NUP153: variants seen among roughly 807,000 people sequenced by gnomAD.
NUP153 encodes the protein nuclear pore complex protein Nup153.
NUP153 carries 27 observed loss-of-function variants against 134.6 expected under a neutral mutation model. The ratio of observed to expected loss-of-function variants is 0.20; its 90% CI spans 0.15 to 0.28. NUP153 has a LOEUF of 0.28. Ranked by LOEUF, NUP153 falls within the 10% of genes least tolerant of loss-of-function variation. The probability of loss-of-function intolerance (pLI) is 1.00; values close to 1 mark genes in which losing one functional copy is unlikely to be tolerated. For synonymous variants in NUP153, 640 were observed against 623.5 expected (o/e 1.03, Z -0.40); for missense variants, 1,821 against 1,731.3 (o/e 1.05, Z -0.92).
rs938419114 is a variant in NUP153, at chr6:17,675,912, T to C, written c.335-142A>G. On this transcript the variant is annotated intron_variant, in intron 2 of 21. Transcript: ENST00000262077. The surrounding 1 kb of genome is among the most constrained non-coding windows in gnomAD (Gnocchi z 4.4). ...GGGGCATCCCATAATAAGCCCAATATAACATACTCCTAGGCAAAACAAAGT... is the reference window on the plus strand; with the variant it reads ...GGGGCATCCCATAATAAGCCCAATACAACATACTCCTAGGCAAAACAAAGT... 1.3e-6 allele frequency: 1 copy of C among 760,246 alleles called. No homozygotes were observed. Among genetic ancestry groups the C allele is most frequent in the South Asian group, 1.8e-5 (1 of 56,240 alleles). The allele number at this position is 760,246 out of a possible 1,614,324, so 47.1% of individuals were successfully genotyped here. A position where few individuals can be genotyped will look rare whatever the true frequency, so the allele number is the denominator to read the frequency against.
intron 12 of NUP153, 108 bp downstream of exon 12, chr6:17,649,052 GTTA>G (rs1469362007): frequency 3.0e-6 from 3 of 990,616 alleles, no homozygotes; most frequent in African/African-American, 3.4e-5. Flanking sequence ...TGTTTACTAT[GTTA>G]TTAATTTCCA....
At chr6:17,626,240 T>C in intron 18 of NUP153, 76 bp from the exon 19 acceptor site, 1 of 1,092,814 alleles carries the variant, frequency 9.2e-7, no homozygotes, top group East Asian at 2.4e-5. Flanking sequence ...TACCCTACAA[T>C]TGCTAGAATT....
At chr6:17,694,836 G>A (rs896930051) in intron 1 of NUP153, among the ~76,000 whole-genome samples, 12 of 151,954 alleles carry the variant, frequency 7.9e-5, no homozygotes, top group East Asian at 1.9e-4. Flanking sequence ...AAAAGTAGCC[G>A]GGCATGGTGG....
chr6:17,624,486 T>C, intron 20 of NUP153, 75 bp downstream of exon 20: 1 of 1,433,758 alleles, frequency 7.0e-7, no homozygotes, highest in Non-Finnish European at 9.6e-7. Context: ...ATATGAATGG[T>C]TTCCAAGCTC....
At chr6:17,688,007 T>C (rs1407757047) in intron 2 of NUP153, among the ~76,000 whole-genome samples, 2 of 151,798 alleles carry the variant, frequency 1.3e-5, no homozygotes, top group African/African-American at 4.8e-5. Context: ...TAGTCCCAGC[T>C]ACTTGGGAGG....
At chr6:17,705,180 G>C (rs1581795746) in intron 1 of NUP153, among the ~76,000 whole-genome samples, 2 of 152,236 alleles carry the variant, frequency 1.3e-5, no homozygotes, top group African/African-American at 2.4e-5. Context: ...TTTAACAGTA[G>C]GCAACAAGTT....
chr6:17,618,783 G>A (rs867660809), intron 20 of NUP153, among the ~76,000 whole-genome samples: 1 of 152,108 alleles, frequency 6.6e-6, no homozygotes, highest in Admixed American at 6.6e-5. Context: ...AGCCAGGATG[G>A]TCTCGATATC....
At chr6:17,703,059 G>T (rs149181085) in intron 1 of NUP153, among the ~76,000 whole-genome samples, 2,912 of 129,198 alleles carry the variant, frequency 0.023, 94 homozygotes, top group African/African-American at 0.076. Context: ...TTAGCCGGGC[G>T]TGGTGGCGCA....
intron 18 of NUP153, among the ~76,000 whole-genome samples, chr6:17,627,213 C>T (rs1340567528): frequency 6.6e-6 from 1 of 152,158 alleles, no homozygotes; most frequent in Non-Finnish European, 1.5e-5. Flanking sequence ...GAGTGTCTAC[C>T]ATAGCCTGGT....
At chr6:17,686,321 C>T (rs1768920778) in intron 2 of NUP153, among the ~76,000 whole-genome samples, 1 of 151,934 alleles carries the variant, frequency 6.6e-6, no homozygotes, top group African/African-American at 2.4e-5. Context: ...GGTAGAAAGC[C>T]ATGATATAGC....
At chr6:17,633,060 C>G (rs983377529) in intron 16 of NUP153, among the ~76,000 whole-genome samples, 8 of 152,036 alleles carry the variant, frequency 5.3e-5, no homozygotes, top group African/African-American at 1.7e-4. Flanking sequence ...TAAATGATTT[C>G]TTTTAACCTT....
At chr6:17,683,813 G>A (rs957233798) in intron 2 of NUP153, among the ~76,000 whole-genome samples, 6 of 152,024 alleles carry the variant, frequency 3.9e-5, no homozygotes, top group African/African-American at 9.7e-5. Context: ...TTCCAACGGC[G>A]GGCCATGTTT....
At chr6:17,674,820 T>C in intron 5 of NUP153, 85 bp downstream of exon 5, 1 of 1,099,386 alleles carries the variant, frequency 9.1e-7, no homozygotes, top group Non-Finnish European at 1.3e-6. Flanking sequence ...AAAACTATTT[T>C]TTTGAGCACA....
rs368609111 is a variant in NUP153 at position 17,632,755 on chromosome 6, C to T, written c.2554G>A (p.Glu852Lys). 3.3e-5 allele frequency: 52 copies of T among 1,590,742 alleles called. No individual in the cohort carries two copies. The highest frequency in any genetic ancestry group is 6.6e-5 in the South Asian group (6 of 90,778). Reference protein sequence around the residue: ...SLGLEKFKKPEGSWDCELCLV... With the variant: ...SLGLEKFKKPKGSWDCELCLV... ...CACAATTCACAGTCCCAGCTTCCCT[C>T]GGGTTTCTTGAACTTTTCCAATCCT... The change falls in exon 17 of 22, where the codon GAG becomes AAG. Residue 852 changes from glutamate to lysine, a missense_variant. By Grantham distance (56) the Glu-to-Lys change is moderately conservative. Coordinates refer to ENST00000262077, the MANE Select transcript of NUP153 (RefSeq NM_005124.4).
chr6:17,663,941 A>ACAC (rs1561885943), intron 9 of NUP153, among the ~76,000 whole-genome samples: 2 of 151,422 alleles, frequency 1.3e-5, no homozygotes, highest in Non-Finnish European at 3.0e-5. Context: ...CACACACACA[A>ACAC]ACACACAAAA....
Position 17,706,193 on chromosome 6 carries a change from T to TGGGGCGCC in NUP153, c.111+76_111+83dup. The TGGGGCGCC allele has an allele frequency of 9.1e-7, 1 of 1,097,022 alleles. No individual in the cohort carries two copies. Among genetic ancestry groups the TGGGGCGCC allele is most frequent in the Non-Finnish European group, 1.4e-6 (1 of 725,908 alleles). 68.0% of individuals were successfully genotyped at this position (1,097,022 alleles called of 1,614,324 possible). A position where few individuals can be genotyped will look rare whatever the true frequency, so the allele number is the denominator to read the frequency against. On this transcript the variant is annotated intron_variant, in intron 1 of 21. Transcript: ENST00000262077. The surrounding 1 kb of genome is among the most constrained non-coding windows in gnomAD (Gnocchi z 5.9). ...CTCAGGCCCTCCTGTCTGCTCCACG[T>TGGGGCGCC]GGGGCGCCGGGGCCTCGAACCGCCC...
chr6:17,693,182 C>CCACACACACA (rs1269341758), intron 1 of NUP153, among the ~76,000 whole-genome samples: 32 of 34,040 alleles, frequency 9.4e-4, no homozygotes, highest in Admixed American at 8.6e-3. Flanking sequence ...TAGCTTTTTC[C>CCACACACACA]TACACACACA....
In NUP153 at chr6:17,675,054, AAATT is replaced by A; in HGVS notation, c.724-25_724-22del. The A allele has an allele frequency of 6.2e-7, 1 of 1,612,680 alleles. No individual in the cohort carries two copies. The highest frequency in any genetic ancestry group is 8.5e-7 in the Non-Finnish European group (1 of 1,179,332). On this transcript the variant is annotated intron_variant, in intron 4 of 21. Coordinates refer to ENST00000262077, the MANE Select transcript of NUP153 (RefSeq NM_005124.4). This position sits in a 1 kb window ranked among gnomAD's most constrained non-coding sequence, Gnocchi z 4.4. ...AGTGACTGCACAGAAACAGAATGAT[AAATT>A]ATAAGCCATATGAACCCAGGAGGTG... is the stretch of plus-strand genomic sequence containing the variant.
At position 17,674,862 on chromosome 6, in the gene NUP153, A is replaced by T. The variant is rs771657545; in HGVS notation, c.852+43T>A. On this transcript the variant is annotated intron_variant, in intron 5 of 21. Transcript: ENST00000262077. ...TTTATTATCCAGTTAAAGTGTAAAAAAAAAGAAAAAAAAAGATCATCAACC... is the reference window on the plus strand; with the variant it reads ...TTTATTATCCAGTTAAAGTGTAAAATAAAAGAAAAAAAAAGATCATCAACC... 4.5e-5 allele frequency: 66 copies of T among 1,455,196 alleles called. No individual in the cohort carries two copies. In the Admixed American group the frequency reaches 1.6e-3, roughly 36 times the overall value. 90.1% of individuals were successfully genotyped at this position (1,455,196 alleles called of 1,614,324 possible). A position where few individuals can be genotyped will look rare whatever the true frequency, so the allele number is the denominator to read the frequency against.
Sources: allele counts gnomAD v4.1 joint callset (sites outside exome capture counted in the v4.1 genomes callset), GRCh38; gene constraint gnomAD v4.1.1; non-coding constraint Gnocchi (gnomAD v3.1); transcripts MANE v1.5; gene names NCBI Gene and HGNC (gene_info 2026-07-23, HGNC 2026-07-21).